Variants in CALD1 observed in about 807,000 individuals in gnomAD.
The protein encoded by CALD1 is caldesmon.
In CALD1, 33 loss-of-function variants were observed where a neutral mutation model predicts 99.9. The observed-to-expected ratio is 0.33, with a 90% CI of 0.25 to 0.44. CALD1 has a LOEUF of 0.44. CALD1 is among the 20% of genes least tolerant of loss of function. The pLI is 1.00. For synonymous variants in CALD1, 310 were observed against 325.0 expected, an observed-to-expected ratio of 0.95 and a Z score of 0.50; for missense variants, 861 against 962.1, an observed-to-expected ratio of 0.89 and a Z score of 1.39.
intron 1 of CALD1, among the ~76,000 whole-genome samples, chr7:134,799,713 G>A (rs780800981): frequency 4.6e-5 from 7 of 152,120 alleles, no homozygotes; most frequent in Non-Finnish European, 1.0e-4. Context: ...GGTATATAAA[G>A]AGACCCTGCT....
chr7:134,809,642 G>A (rs948749875), intron 1 of CALD1: 3 of 152,148 alleles, frequency 2.0e-5, no homozygotes, highest in Non-Finnish European at 4.4e-5. Flanking sequence ...AATTGTGTAT[G>A]TTTTTATTGT....
chr7:134,783,970 G>T lies in CALD1; in HGVS notation c.-130+4221G>T, dbSNP rs1797209779. 6.6e-6 allele frequency among the ~76,000 whole-genome samples: 1 copy of T among 152,180 alleles called. No homozygotes were observed. Among genetic ancestry groups the T allele is most frequent in the African/African-American group, 2.4e-5 (1 of 41,434 alleles). On this transcript the variant is annotated intron_variant, in intron 1 of 14. Coordinates refer to ENST00000361675, the MANE Select transcript of CALD1 (RefSeq NM_033138.4). The surrounding 1 kb of genome is among the most constrained non-coding windows in gnomAD (Gnocchi z 4.3). ...GCTCGTGGGGGCTAGAGAAATCCAG[G>T]AATGGCTGCTATTAAGTGTACGTAA...
At chr7:134,928,107 T>G (rs1303851431) in intron 3 of CALD1, 2 of 321,638 alleles carry the variant, frequency 6.2e-6, no homozygotes, top group Non-Finnish European at 1.3e-5. Flanking sequence ...ATTTTGTTTA[T>G]TTTTGGTTCA....
chr7:134,820,421 C>A lies in CALD1; in HGVS notation c.-129-23463C>A, dbSNP rs182170384. Among the ~76,000 whole-genome samples the A allele has an allele frequency of 9.3e-4, 141 of 152,252 alleles. 1 individual carries two copies. Among genetic ancestry groups the A allele is most frequent in the African/African-American group, 3.3e-3 (139 of 41,540 alleles). On this transcript the variant is annotated intron_variant, in intron 1 of 14. Transcript: ENST00000361675. Reference sequence around the variant, plus strand: ...TAGAAGTTGGTGGAACACATTTAATCCACCAGATAAAATGCTTCCGGTCTA... The same window carrying A: ...TAGAAGTTGGTGGAACACATTTAATACACCAGATAAAATGCTTCCGGTCTA...
upstream of CALD1, among the ~76,000 whole-genome samples, chr7:134,739,310 CA>C (rs1167273848): frequency 6.6e-6 from 1 of 152,148 alleles, no homozygotes; most frequent in Non-Finnish European, 1.5e-5. Flanking sequence ...GTGACTTATC[CA>C]AGGTTACATT....
chr7:134,756,292 C>G (rs12674265), intron 1 of CALD1, among the ~76,000 whole-genome samples: 1 of 130,676 alleles, frequency 7.7e-6, no homozygotes. Context: ...AAAAAAAAAA[C>G]TAAAAATTAA....
the CALD1 span, among the ~76,000 whole-genome samples, chr7:134,720,694 CA>C: frequency 6.6e-6 from 1 of 152,084 alleles, no homozygotes; most frequent in Non-Finnish European, 1.5e-5. Context: ...CATACATGAG[CA>C]AGAGGACCCA....
At chr7:134,966,562 T>C (rs746402376) in intron 14 of CALD1, among the ~76,000 whole-genome samples, 26 of 152,164 alleles carry the variant, frequency 1.7e-4, no homozygotes, top group Non-Finnish European at 2.9e-5. Context: ...ATTTTGCAGC[T>C]GAGAAAAATG....
chr7:134,895,334 G>GTGTGTGTGTGTGTC, intron 3 of CALD1, among the ~76,000 whole-genome samples: 1 of 148,408 alleles, frequency 6.7e-6, no homozygotes, highest in Non-Finnish European at 1.5e-5. Context: ...GTGTGTGTGT[G>GTGTGTGTGTGTGTC]TGTGTGTGTA....
At chr7:134,920,589 A>G (rs1259321520) in intron 3 of CALD1, 1 of 1,288,714 alleles carries the variant, frequency 7.8e-7, no homozygotes, top group South Asian at 1.2e-5. Flanking sequence ...TGAGTATCTC[A>G]GTTACCAGCC....
intron 3 of CALD1, chr7:134,891,319 AT>A: frequency 1.8e-6 from 2 of 1,100,580 alleles, no homozygotes; most frequent in Non-Finnish European, 2.3e-6. Flanking sequence ...GTGCTCTCTG[AT>A]CGCTAAACAT....
At chr7:134,967,621 A>T (rs1053270405) in intron 14 of CALD1, among the ~76,000 whole-genome samples, 1 of 152,212 alleles carries the variant, frequency 6.6e-6, no homozygotes, top group Non-Finnish European at 1.5e-5. Context: ...CTTCACCATC[A>T]TACATTGATG....
Position 134,847,263 on chromosome 7 carries a change from G to A in CALD1, c.-42+3292G>A, listed in dbSNP as rs114900659. 2.1e-3 allele frequency among the ~76,000 whole-genome samples: 314 copies of A among 152,302 alleles called. 2 individuals carry two copies. Among genetic ancestry groups the A allele is most frequent in the African/African-American group, 7.1e-3 (297 of 41,568 alleles). On this transcript the variant is annotated intron_variant, in intron 2 of 14. Coordinates refer to ENST00000361675, the MANE Select transcript of CALD1 (RefSeq NM_033138.4). ...TCTTCTTCTTTTCTTGAGTTTTGCAGAATGAGCCTCCCTGGAAACCTTGAC... is the reference window on the plus strand; with the variant it reads ...TCTTCTTCTTTTCTTGAGTTTTGCAAAATGAGCCTCCCTGGAAACCTTGAC...
At chr7:134,839,471 T>C (rs2132132912) in intron 1 of CALD1, among the ~76,000 whole-genome samples, 1 of 152,246 alleles carries the variant, frequency 6.6e-6, no homozygotes, top group East Asian at 1.9e-4. Flanking sequence ...TATTCAGCTT[T>C]AGCACATGCT....
At chr7:134,925,202 G>A (rs776354701) in intron 3 of CALD1, among the ~76,000 whole-genome samples, 4 of 152,180 alleles carry the variant, frequency 2.6e-5, no homozygotes, top group Admixed American at 2.0e-4. Flanking sequence ...GGAGATGATC[G>A]GTTGTTCAGG....
the CALD1 span, among the ~76,000 whole-genome samples, chr7:134,711,647 T>TCC: frequency 1.5e-5 from 1 of 64,720 alleles, no homozygotes; most frequent in Non-Finnish European, 2.9e-5. Flanking sequence ...TCTCTCTCTC[T>TCC]CTCTCTCTCT....
chr7:134,805,362 T>A (rs556153086), intron 1 of CALD1, among the ~76,000 whole-genome samples: 3 of 152,342 alleles, frequency 2.0e-5, no homozygotes, highest in African/African-American at 7.2e-5. Flanking sequence ...TCCTTAACTT[T>A]GGCTATATAT....
chr7:134,951,075 A>G (rs923931537), intron 9 of CALD1, among the ~76,000 whole-genome samples: 4 of 152,188 alleles, frequency 2.6e-5, no homozygotes, highest in African/African-American at 9.7e-5. Context: ...GTGTCCTTAC[A>G]TGGTGGAAGG....
intron 1 of CALD1, among the ~76,000 whole-genome samples, chr7:134,811,601 A>T (rs1171056730): frequency 6.6e-6 from 1 of 152,174 alleles, no homozygotes; most frequent in Non-Finnish European, 1.5e-5. Flanking sequence ...TTAACTGATA[A>T]CTCAGGCACA....
Sources: allele counts gnomAD v4.1 joint callset (sites outside exome capture counted in the v4.1 genomes callset), GRCh38; gene constraint gnomAD v4.1.1; non-coding constraint Gnocchi (gnomAD v3.1); transcripts MANE v1.5; gene names NCBI Gene and HGNC (gene_info 2026-07-23, HGNC 2026-07-21).